The following PRIM2 variants were observed in gnomAD, a reference collection of about 807,000 sequenced individuals.
PRIM2 encodes DNA primase subunit 2, also known as DNA primase large subunit.
Under a neutral mutation model 67.3 loss-of-function variants are expected in PRIM2, and 39 were observed. The ratio of observed to expected loss-of-function variants is 0.58; its 90% CI spans 0.45 to 0.76. The LOEUF is 0.76. Ranked by LOEUF, PRIM2 falls within the 30% of genes least tolerant of loss-of-function variation. The pLI is 0.00. For synonymous variants in PRIM2, 143 were observed against 198.7 expected (o/e 0.72, Z 2.36); for missense variants, 398 against 598.7 (o/e 0.66, Z 3.50).
intron 5 of PRIM2, among the ~76,000 whole-genome samples, chr6:57,339,017 CAAAATCAATGTACA>C (rs931440700): frequency 6.6e-6 from 1 of 152,088 alleles, no homozygotes; most frequent in Admixed American, 6.5e-5. Context: ...TCTCAGGATA[CAAAATCAATGTACA>C]AAAATCACAA....
intron 8 of PRIM2, among the ~76,000 whole-genome samples, chr6:57,524,725 T>A (rs1269761211): frequency 6.6e-6 from 1 of 151,942 alleles, no homozygotes; most frequent in African/African-American, 2.4e-5. Context: ...AAAGGATGCT[T>A]TTATATATTT....
At chr6:57,334,304 G>A (rs1421012672) in intron 5 of PRIM2, among the ~76,000 whole-genome samples, 2 of 151,846 alleles carry the variant, frequency 1.3e-5, no homozygotes, top group Non-Finnish European at 2.9e-5. Context: ...AAAAATCCAT[G>A]TATCTATCGG....
At chr6:57,380,197 C>T (rs1769909873) in intron 6 of PRIM2, among the ~76,000 whole-genome samples, 1 of 152,196 alleles carries the variant, frequency 6.6e-6, no homozygotes, top group Non-Finnish European at 1.5e-5. Flanking sequence ...ATTCCCAACC[C>T]TGCTTGGGCT....
the PRIM2 span, among the ~76,000 whole-genome samples, chr6:57,279,293 T>C: frequency 6.6e-6 from 1 of 152,248 alleles, no homozygotes; most frequent in Admixed American, 6.5e-5. Flanking sequence ...TTTTAACTTA[T>C]GGAAACTGCA....
At chr6:57,632,321 G>C in intron 13 of PRIM2, 120 bp downstream of exon 13, 1 of 426,344 alleles carries the variant, frequency 2.3e-6, no homozygotes, top group South Asian at 4.6e-5. Flanking sequence ...AAAGGGGATT[G>C]CATGGTATTA....
the PRIM2 span, among the ~76,000 whole-genome samples, chr6:57,291,034 A>T: frequency 6.6e-6 from 1 of 152,164 alleles, no homozygotes; most frequent in Non-Finnish European, 1.5e-5. Context: ...GACACAAAAA[A>T]ACCCTTCAAA....
chr6:57,458,941 A>T (rs1259359979), intron 7 of PRIM2, among the ~76,000 whole-genome samples: 1 of 152,248 alleles, frequency 6.6e-6, no homozygotes, highest in Non-Finnish European at 1.5e-5. Flanking sequence ...GAGGACCTGC[A>T]GCGTTGAGCA....
chr6:57,374,018 A>C (rs1053747366), intron 5 of PRIM2, among the ~76,000 whole-genome samples: 1 of 152,192 alleles, frequency 6.6e-6, no homozygotes, highest in African/African-American at 2.4e-5. Flanking sequence ...TTAGCACTGA[A>C]TCTATAAATT....
the PRIM2 span, among the ~76,000 whole-genome samples, chr6:57,285,955 C>A: frequency 1.3e-5 from 2 of 152,140 alleles, no homozygotes; most frequent in Admixed American, 1.3e-4. Flanking sequence ...CATTCCTATA[C>A]ACAAATAATA....
intron 7 of PRIM2, among the ~76,000 whole-genome samples, chr6:57,496,328 TG>T (rs1774003560): frequency 6.6e-6 from 1 of 152,160 alleles, no homozygotes; most frequent in South Asian, 2.1e-4. Flanking sequence ...GCCAGTGTAA[TG>T]GGCAGGTTAT....
intron 7 of PRIM2, among the ~76,000 whole-genome samples, chr6:57,460,785 A>G (rs1334551690): frequency 2.0e-5 from 3 of 152,226 alleles, no homozygotes; most frequent in Non-Finnish European, 4.4e-5. Flanking sequence ...ACAAATGGAG[A>G]AGGACTGCTA....
intron 5 of PRIM2, among the ~76,000 whole-genome samples, chr6:57,350,476 C>T (rs553953399): frequency 3.0e-4 from 46 of 152,076 alleles, no homozygotes; most frequent in Non-Finnish European, 4.9e-4. Context: ...ATTAAAGGAC[C>T]GCTGAAATTT....
intron 5 of PRIM2, among the ~76,000 whole-genome samples, chr6:57,376,777 A>T (rs1328914642): frequency 3.3e-5 from 5 of 152,196 alleles, no homozygotes; most frequent in Admixed American, 3.3e-4. Context: ...TGTTAGATTT[A>T]TTCCTAGATC....
the PRIM2 span, among the ~76,000 whole-genome samples, chr6:57,299,305 C>T: frequency 6.6e-6 from 1 of 152,066 alleles, no homozygotes; most frequent in Non-Finnish European, 1.5e-5. Flanking sequence ...AAAAAATCTC[C>T]TTACTATACC....
At chr6:57,440,277 GTTTA>G (rs1451564178) in intron 7 of PRIM2, among the ~76,000 whole-genome samples, 2 of 151,104 alleles carry the variant, frequency 1.3e-5, no homozygotes, top group Middle Eastern at 3.4e-3. Context: ...TTTTCTTTCT[GTTTA>G]TTTATTTTTA....
At chr6:57,311,732 G>A (rs1182300226), upstream of PRIM2, among the ~76,000 whole-genome samples, 2 of 152,040 alleles carry the variant, frequency 1.3e-5, no homozygotes, top group Non-Finnish European at 2.9e-5. Flanking sequence ...ACTCCAGCCT[G>A]GGCAACATTG....
chr6:57,580,955 G>GAA (rs1323619778), intron 10 of PRIM2, among the ~76,000 whole-genome samples: 10,445 of 149,440 alleles, frequency 0.07, 517 homozygotes, highest in East Asian at 0.21. Context: ...AACTATGAAA[G>GAA]AAAAAAAAAT....
At chr6:57,641,676 A>C (rs1218892962) in intron 13 of PRIM2, among the ~76,000 whole-genome samples, 2 of 152,224 alleles carry the variant, frequency 1.3e-5, no homozygotes, top group Non-Finnish European at 2.9e-5. Flanking sequence ...TCAAAACTGC[A>C]ATGAGATACC....
intron 10 of PRIM2, among the ~76,000 whole-genome samples, chr6:57,594,888 C>A (rs1776339220): frequency 6.6e-6 from 1 of 151,898 alleles, no homozygotes; most frequent in African/African-American, 2.4e-5. Context: ...AGGCTTGTGT[C>A]CAGAATATAT....
Sources: gnomAD v4.1 joint callset for allele counts (sites outside exome capture counted in the v4.1 genomes callset) on GRCh38, gnomAD v4.1.1 for gene constraint, MANE v1.5 for transcripts, NCBI Gene and HGNC (gene_info 2026-07-23, HGNC 2026-07-21) for gene names.